Variants in COL19A1 observed in about 807,000 individuals in gnomAD.
The protein encoded by COL19A1 is collagen alpha-1(XIX) chain.
A neutral mutation model predicts 190.2 loss-of-function variants in COL19A1; 159 were observed. The observed-to-expected ratio is 0.84, with a 90% CI of 0.73 to 0.95. The LOEUF (loss-of-function observed/expected upper bound fraction) is 0.95. COL19A1 is among the 40% of genes least tolerant of loss of function. The probability of loss-of-function intolerance (pLI) is 0.00; values close to 1 mark genes in which losing one functional copy is unlikely to be tolerated. For synonymous variants in COL19A1, 509 were observed against 458.9 expected, an observed-to-expected ratio of 1.11 and a Z score of -1.39; for missense variants, 1,418 against 1,431.9, an observed-to-expected ratio of 0.99 and a Z score of 0.16.
intron 15 of COL19A1, among the ~76,000 whole-genome samples, chr6:70,095,419 A>G (rs941141317): frequency 1.3e-5 from 2 of 152,202 alleles, no homozygotes; most frequent in Non-Finnish European, 2.9e-5. Flanking sequence ...TTATATAAAA[A>G]TGGAGAATTG....
chr6:69,928,131 T>C, intron 5 of COL19A1, 99 bp downstream of exon 5: 1 of 1,470,678 alleles, frequency 6.8e-7, no homozygotes. Flanking sequence ...AGATCTAGTA[T>C]CCAAATGTTC....
chr6:69,963,908 T>A (rs1391773401), intron 11 of COL19A1, among the ~76,000 whole-genome samples: 1 of 152,240 alleles, frequency 6.6e-6, no homozygotes, highest in Non-Finnish European at 1.5e-5. Context: ...GAGAATAGAA[T>A]GCTTGGTCAT....
intron 48 of COL19A1, among the ~76,000 whole-genome samples, chr6:70,191,100 T>G (rs1405350597): frequency 1.3e-5 from 2 of 152,236 alleles, no homozygotes; most frequent in Non-Finnish European, 2.9e-5. Flanking sequence ...ACATAAAGGC[T>G]TAAATATTTT....
chr6:69,923,459 A>T (rs946406069), intron 4 of COL19A1, among the ~76,000 whole-genome samples: 1 of 152,130 alleles, frequency 6.6e-6, no homozygotes, highest in Admixed American at 6.6e-5. Flanking sequence ...AAAAACCCCA[A>T]TTCTTAGTTG....
At chr6:70,036,459 G>C (rs1779357187) in intron 14 of COL19A1, among the ~76,000 whole-genome samples, 2 of 152,186 alleles carry the variant, frequency 1.3e-5, no homozygotes, top group Admixed American at 1.3e-4. Flanking sequence ...TTTAGTGACA[G>C]ATTTATGAGA....
At chr6:70,049,283 T>C (rs952460101) in intron 14 of COL19A1, among the ~76,000 whole-genome samples, 11 of 152,028 alleles carry the variant, frequency 7.2e-5, no homozygotes, top group African/African-American at 2.7e-4. Context: ...AAGAAGGCAG[T>C]TGAAATATTT....
Position 70,206,933 on chromosome 6 carries a change from C to T in COL19A1, c.3256C>T (p.Pro1086Ser). The T allele has an allele frequency of 6.2e-7, 1 of 1,613,774 alleles. No individual in the cohort carries two copies. Among genetic ancestry groups the T allele is most frequent in the Non-Finnish European group, 8.5e-7 (1 of 1,179,854 alleles). ...YRGQKGERGE[P>S]GIGLPGSPGL... ...AGGACAGAAGGGAGAAAGAGGTGAA[C>T]CTGGAATTGGGCTGCCAGGGAGTCC... Residue 1086 changes from proline to serine, a missense_variant, in exon 50 of 51, where the codon CCT becomes TCT. Pro to Ser is a moderately conservative substitution (Grantham distance 74). Transcript: ENST00000620364.
intron 11 of COL19A1, among the ~76,000 whole-genome samples, chr6:70,008,700 T>A (rs1777788574): frequency 6.6e-6 from 1 of 151,834 alleles, no homozygotes; most frequent in Admixed American, 6.6e-5. Context: ...CCAATATTAC[T>A]CTGATACTGC....
At chr6:70,126,861 A>G (rs779793388) in intron 17 of COL19A1, among the ~76,000 whole-genome samples, 89 of 152,210 alleles carry the variant, frequency 5.8e-4, no homozygotes, top group Non-Finnish European at 1.1e-3. Flanking sequence ...CTTCACTTCA[A>G]ACTATAGCAA....
In COL19A1 at chr6:70,211,343, G is replaced by C. The variant is rs1768196188; in HGVS notation, c.*4069G>C. On this transcript the variant is annotated 3_prime_UTR_variant, in exon 51 of 51. Transcript: ENST00000620364. ...ATACTCAAAAAAGCTTTGCAGATTT[G>C]TCCATTGCTCTTGTTCTTAAATTAT... Among the ~76,000 whole-genome samples the C allele has an allele frequency of 6.6e-6, 1 of 151,814 alleles. No homozygotes were observed. Among genetic ancestry groups the C allele is most frequent in the African/African-American group, 2.4e-5 (1 of 41,312 alleles).
At chr6:69,914,753 A>G (rs1348862845) in intron 4 of COL19A1, among the ~76,000 whole-genome samples, 4 of 152,220 alleles carry the variant, frequency 2.6e-5, no homozygotes, top group Non-Finnish European at 5.9e-5. Flanking sequence ...TGGTTGAAGA[A>G]TTACCTCCGG....
At chr6:70,004,834 CTTT>C (rs560885333) in intron 11 of COL19A1, among the ~76,000 whole-genome samples, 5 of 142,340 alleles carry the variant, frequency 3.5e-5, no homozygotes, top group Non-Finnish European at 3.1e-5. Flanking sequence ...GCTCAGCGTA[CTTT>C]TTTTTTTTTT....
At chr6:70,192,249 C>T (rs557513552) in intron 48 of COL19A1, among the ~76,000 whole-genome samples, 21 of 152,114 alleles carry the variant, frequency 1.4e-4, no homozygotes, top group Middle Eastern at 3.4e-3. Flanking sequence ...TTAGTAGAGA[C>T]GGGGTTTCAC....
intron 16 of COL19A1, among the ~76,000 whole-genome samples, chr6:70,107,491 A>G (rs1037075410): frequency 6.6e-5 from 10 of 152,152 alleles, no homozygotes; most frequent in African/African-American, 2.4e-4. Context: ...ATTGATATGA[A>G]AGAACTTTCT....
intron 7 of COL19A1, among the ~76,000 whole-genome samples, chr6:69,935,398 G>T (rs867950989): frequency 6.6e-6 from 1 of 152,030 alleles, no homozygotes; most frequent in African/African-American, 2.4e-5. Flanking sequence ...ATCCAGAGCA[G>T]AATTGTGAAT....
At chr6:69,936,215 A>G (rs1773102208) in intron 7 of COL19A1, among the ~76,000 whole-genome samples, 1 of 152,174 alleles carries the variant, frequency 6.6e-6, no homozygotes, top group African/African-American at 2.4e-5. Context: ...CTGGATAAGT[A>G]TAAAATGCAC....
chr6:70,141,158 A>T (rs1374099584), intron 20 of COL19A1, among the ~76,000 whole-genome samples, 169 bp downstream of exon 20: 1 of 152,074 alleles, frequency 6.6e-6, no homozygotes, highest in East Asian at 1.9e-4. Context: ...ATAAATAAGA[A>T]ATTTTAAGCC....
In COL19A1 at chr6:70,188,146, G is replaced by A; in HGVS notation, c.2928G>A (p.Lys976=). 6.2e-7 allele frequency: 1 copy of A among 1,614,014 alleles called. No homozygotes were observed. Among genetic ancestry groups the A allele is most frequent in the Non-Finnish European group, 8.5e-7 (1 of 1,179,932 alleles). ...ERGKPGLTGM[K]GAIGPMGPPG... is the part of the protein sequence containing the mutation. ...GAAAACCAGGCCTTACAGGCATGAA[G>A]GGGGCCATCGGTCCTATGGGTCCAC... Residue 976 remains lysine, a synonymous_variant, in exon 47 of 51, where the codon AAG becomes AAA. Transcript: ENST00000620364.
At chr6:69,907,410 A>G (rs142507645) in intron 4 of COL19A1, among the ~76,000 whole-genome samples, 2,648 of 152,234 alleles carry the variant, frequency 0.017, 100 homozygotes, top group African/African-American at 0.06. Context: ...GATTACAGGC[A>G]TGAGCCACTG....
Sources: gnomAD v4.1 joint callset for allele counts (sites outside exome capture counted in the v4.1 genomes callset) on GRCh38, gnomAD v4.1.1 for gene constraint, MANE v1.5 for transcripts, NCBI Gene and HGNC (gene_info 2026-07-23, HGNC 2026-07-21) for gene names.